ASPRV1: variants seen among roughly 807,000 people sequenced by gnomAD.
ASPRV1 encodes the protein retroviral-like aspartic protease 1.
ASPRV1 carries 7 observed loss-of-function variants against 11.0 expected under a neutral mutation model. The ratio of observed to expected loss-of-function variants is 0.64; its 90% CI spans 0.36 to 1.20. The LOEUF is 1.20. Ranked by LOEUF, ASPRV1 falls within the 50% of genes most tolerant of loss-of-function variation. The pLI, the probability that ASPRV1 is intolerant of heterozygous loss-of-function variation, is 0.02. For missense variants in ASPRV1, 299 were observed against 320.0 expected (o/e 0.93, Z 0.50); for synonymous variants, 136 against 138.4 (o/e 0.98, Z 0.12).
the ASPRV1 span, among the ~76,000 whole-genome samples, chr2:69,946,965 T>G: frequency 1.3e-5 from 2 of 152,198 alleles, no homozygotes; most frequent in Non-Finnish European, 2.9e-5. Context: ...AAGCCCTTGC[T>G]AAAATGCCCA....
the ASPRV1 span, among the ~76,000 whole-genome samples, chr2:69,983,905 G>C: frequency 6.6e-6 from 1 of 152,178 alleles, no homozygotes; most frequent in Non-Finnish European, 1.5e-5. Flanking sequence ...TGAACCTGGA[G>C]GTCACACAAG....
chr2:70,040,656 A>C, the ASPRV1 span, among the ~76,000 whole-genome samples: 1 of 152,154 alleles, frequency 6.6e-6, no homozygotes, highest in Non-Finnish European at 1.5e-5. Flanking sequence ...CAAGATGGTG[A>C]AACTTCGTCT....
At chr2:69,986,970 A>G in the ASPRV1 span, among the ~76,000 whole-genome samples, 22 of 152,188 alleles carry the variant, frequency 1.4e-4, no homozygotes, top group Admixed American at 1.1e-3. Flanking sequence ...GGGGCCTGGC[A>G]GAGAGGGGGC....
the ASPRV1 span, among the ~76,000 whole-genome samples, chr2:70,028,918 G>A: frequency 6.6e-6 from 1 of 151,832 alleles, no homozygotes; most frequent in Admixed American, 6.6e-5. Context: ...CTCCAGCCTG[G>A]GCGACAGAGA....
the ASPRV1 span, among the ~76,000 whole-genome samples, chr2:70,001,274 A>G: frequency 2.0e-5 from 3 of 152,222 alleles, no homozygotes; most frequent in African/African-American, 7.2e-5. Flanking sequence ...CATGCCTATA[A>G]TCCCAGCACT....
chr2:70,008,474 A>G, the ASPRV1 span, among the ~76,000 whole-genome samples: 1 of 152,034 alleles, frequency 6.6e-6, no homozygotes, highest in Non-Finnish European at 1.5e-5. Context: ...GTCTGGCAGC[A>G]GAGGCAGCCA....
the ASPRV1 span, among the ~76,000 whole-genome samples, chr2:69,947,538 G>A: frequency 6.6e-6 from 1 of 152,048 alleles, no homozygotes; most frequent in Non-Finnish European, 1.5e-5. Context: ...CTCTTCTCTG[G>A]CCTTGGCTTT....
the ASPRV1 span, among the ~76,000 whole-genome samples, chr2:70,038,095 G>C: frequency 6.6e-6 from 1 of 152,146 alleles, no homozygotes; most frequent in Middle Eastern, 3.2e-3. Flanking sequence ...CTTTTACCTA[G>C]AATATCCTCC....
chr2:70,000,788 CAAAAA>C, the ASPRV1 span, among the ~76,000 whole-genome samples: 45 of 42,034 alleles, frequency 1.1e-3, no homozygotes, highest in Non-Finnish European at 1.4e-3. Flanking sequence ...GACCCTGCCT[CAAAAA>C]AAAAAAAAAA....
chr2:70,059,415 T>C, the ASPRV1 span, among the ~76,000 whole-genome samples: 1 of 151,980 alleles, frequency 6.6e-6, no homozygotes, highest in Non-Finnish European at 1.5e-5. Context: ...GCTCCTTAGA[T>C]ACATCAGGGT....
the ASPRV1 span, among the ~76,000 whole-genome samples, chr2:70,053,023 C>T: frequency 3.1e-4 from 47 of 152,278 alleles, no homozygotes; most frequent in African/African-American, 1.1e-3. Flanking sequence ...ATGTCCTCTC[C>T]TCCATGCCTG....
At chr2:69,941,246 A>AAC in the ASPRV1 span, 4 of 152,336 alleles carry the variant, frequency 2.6e-5, no homozygotes, top group Non-Finnish European at 5.9e-5. Flanking sequence ...GCAGTGGGAA[A>AAC]ATATATATGT....
the ASPRV1 span, among the ~76,000 whole-genome samples, chr2:69,995,692 G>C: frequency 1.3e-5 from 2 of 152,134 alleles, no homozygotes; most frequent in Non-Finnish European, 2.9e-5. Context: ...GGAGCAGGAA[G>C]AGGGACACAG....
the ASPRV1 span, among the ~76,000 whole-genome samples, chr2:69,987,611 C>T: frequency 2.0e-5 from 3 of 150,454 alleles, no homozygotes; most frequent in Non-Finnish European, 4.4e-5. Context: ...AAAATTTAGC[C>T]GGGCAGCACA....
chr2:69,983,080 G>A, the ASPRV1 span, among the ~76,000 whole-genome samples: 3,790 of 152,102 alleles, frequency 0.025, 149 homozygotes, highest in African/African-American at 0.085. Context: ...CACCACTCCC[G>A]GCTAATTTTT....
the ASPRV1 span, among the ~76,000 whole-genome samples, chr2:70,073,468 A>G: frequency 1.3e-5 from 2 of 152,218 alleles, no homozygotes. Flanking sequence ...GTTTAGAATA[A>G]GAGTACCTAT....
chr2:69,952,783 C>T, the ASPRV1 span, among the ~76,000 whole-genome samples: 1 of 152,172 alleles, frequency 6.6e-6, no homozygotes, highest in Non-Finnish European at 1.5e-5. Context: ...CCCCTATCCC[C>T]TGGAAGATGT....
the ASPRV1 span, chr2:70,069,076 T>C: frequency 6.6e-6 from 1 of 152,020 alleles, no homozygotes; most frequent in Non-Finnish European, 1.5e-5. Flanking sequence ...TATTTGGTCA[T>C]GTTTTCCTGG....
chr2:69,988,181 T>C, the ASPRV1 span, among the ~76,000 whole-genome samples: 1 of 152,214 alleles, frequency 6.6e-6, no homozygotes, highest in African/African-American at 2.4e-5. Flanking sequence ...CCAAAAGAAC[T>C]GAAAGCAGGG....
Sources: gnomAD v4.1 joint callset for allele counts (sites outside exome capture counted in the v4.1 genomes callset) on GRCh38, gnomAD v4.1.1 for gene constraint, MANE v1.5 for transcripts, NCBI Gene and HGNC (gene_info 2026-07-23, HGNC 2026-07-21) for gene names.